Variants in NTRK3 observed in about 807,000 individuals in gnomAD.
NTRK3 encodes the protein NT-3 growth factor receptor.
NTRK3 carries 24 observed loss-of-function variants against 91.7 expected under a neutral mutation model. That is an observed-to-expected ratio of 0.26 (90% confidence interval 0.19 to 0.37). NTRK3 has a LOEUF of 0.37. NTRK3 is among the 10% of genes least tolerant of loss of function. The pLI is 1.00. For missense variants in NTRK3, 880 were observed against 1,068.9 expected, an observed-to-expected ratio of 0.82 and a Z score of 2.46; for synonymous variants, 483 against 404.0, an observed-to-expected ratio of 1.20 and a Z score of -2.34.
intron 18 of NTRK3, among the ~76,000 whole-genome samples, chr15:87,879,362 C>T (rs2065118106): frequency 1.3e-5 from 2 of 152,194 alleles, no homozygotes; most frequent in African/African-American, 4.8e-5. Flanking sequence ...AGACTGAGCT[C>T]CTTACTGCCT....
In NTRK3 at chr15:87,862,716, C is replaced by T. The variant is rs2064560030; in HGVS notation, c.*14219G>A. The T allele has an allele frequency of 2.2e-5, 5 of 229,762 alleles. No individual in the cohort carries two copies. In the East Asian group the frequency reaches 3.1e-4, roughly 14 times the overall value. 14.2% of individuals were successfully genotyped at this position (229,762 alleles called of 1,614,324 possible). A position where few individuals can be genotyped will look rare whatever the true frequency, so the allele number is the denominator to read the frequency against. ...CTGCTACCCTTGTTTTCTCAGTACA[C>T]CCTTCAGTCTGGCCTGAAGAATGCC... On this transcript the variant is annotated 3_prime_UTR_variant, in exon 19 of 19. Coordinates refer to ENST00000394480, the Ensembl canonical transcript of NTRK3.
At chr15:88,080,248 A>G (rs1188195227) in intron 13 of NTRK3, among the ~76,000 whole-genome samples, 1 of 152,212 alleles carries the variant, frequency 6.6e-6, no homozygotes, top group Non-Finnish European at 1.5e-5. Flanking sequence ...TGCTCAGTCA[A>G]AGAGAATATC....
rs58806302 is a variant in NTRK3 at position 87,890,570 on chromosome 15, TACACACACAC to T, written c.2134-10152_2134-10143del. On this transcript the variant is annotated intron_variant, in intron 17 of 18. Transcript: ENST00000394480. ...GAAAGCATTACCAATGCTTGTTCTT[TACACACACAC>T]ACACACACACACACACACACACACA... is the stretch of plus-strand genomic sequence containing the variant. Among the ~76,000 whole-genome samples the T allele has an allele frequency of 3.9e-3, 577 of 147,812 alleles. 2 individuals carry two copies. Among genetic ancestry groups the T allele is most frequent in the East Asian group, 8.5e-3 (42 of 4,952 alleles).
At chr15:88,167,709 C>T (rs946879532) in intron 5 of NTRK3, among the ~76,000 whole-genome samples, 3 of 152,124 alleles carry the variant, frequency 2.0e-5, no homozygotes, top group South Asian at 2.1e-4. Context: ...TTACTGACCA[C>T]CCCGACTCCA....
intron 17 of NTRK3, among the ~76,000 whole-genome samples, chr15:87,907,395 C>T (rs1031333632): frequency 1.3e-5 from 2 of 152,046 alleles, no homozygotes; most frequent in Non-Finnish European, 2.9e-5. Context: ...AGAAGAGAAA[C>T]CTATAAAACT....
At chr15:87,963,098 C>T (rs1227348011) in intron 14 of NTRK3, among the ~76,000 whole-genome samples, 1 of 152,108 alleles carries the variant, frequency 6.6e-6, no homozygotes, top group Admixed American at 6.5e-5. Flanking sequence ...CCACAGTCAG[C>T]TCTCTGTTAC....
At chr15:87,934,305 A>G (rs1222960097) in intron 15 of NTRK3, among the ~76,000 whole-genome samples, 1 of 152,206 alleles carries the variant, frequency 6.6e-6, no homozygotes. Context: ...CACTTTAGCA[A>G]TCTCAATAGA....
chr15:88,032,636 G>A (rs530693869), intron 14 of NTRK3, among the ~76,000 whole-genome samples: 1 of 152,258 alleles, frequency 6.6e-6, no homozygotes, highest in East Asian at 1.9e-4. Flanking sequence ...AAGGGAAGCA[G>A]ATTCAGACCC....
chr15:88,214,681 G>A (rs562552763), intron 3 of NTRK3, among the ~76,000 whole-genome samples: 19 of 57,962 alleles, frequency 3.3e-4, no homozygotes, highest in Admixed American at 1.3e-3. Flanking sequence ...AAAAAACAGA[G>A]AGAATAAGGA....
exon 2 of NTRK3, chr15:88,256,340 ACGCCGCCGCCGCCGC>A (rs542135987): frequency 3.1e-6 from 2 of 637,908 alleles, no homozygotes; most frequent in Non-Finnish European, 5.6e-6. Context: ...ACCATCGCGG[ACGCCGCCGCCGCCGC>A]CGCCGCCGCC....
At chr15:87,976,950 G>T (rs1173320669) in intron 14 of NTRK3, among the ~76,000 whole-genome samples, 1 of 150,140 alleles carries the variant, frequency 6.7e-6, no homozygotes, top group Non-Finnish European at 1.5e-5. Context: ...CCATATATCA[G>T]CTCTCAAGAG....
chr15:87,981,348 T>C, intron 14 of NTRK3: 1 of 1,613,404 alleles, frequency 6.2e-7, no homozygotes, highest in Non-Finnish European at 8.5e-7. Context: ...ATTGTCTATG[T>C]TTGAAAAGAC....
chr15:88,203,718 A>G (rs924241778), intron 3 of NTRK3, among the ~76,000 whole-genome samples: 3 of 152,212 alleles, frequency 2.0e-5, no homozygotes, highest in African/African-American at 7.2e-5. Context: ...AATAAAGAAA[A>G]GATAAATATT....
intron 17 of NTRK3, 151 bp from the exon 19 acceptor site, chr15:87,880,579 G>T: frequency 1.0e-6 from 1 of 960,508 alleles, no homozygotes; most frequent in South Asian, 1.5e-5. Flanking sequence ...GGTGTGTGAA[G>T]ATGCTGACTT....
At chr15:87,864,436 A>G (rs186184006) in exon 19 of NTRK3, 74 of 230,322 alleles carry the variant, frequency 3.2e-4, no homozygotes, top group African/African-American at 1.5e-3. Context: ...CTGTTAACAT[A>G]TCAGGTCAAA....
chr15:87,933,165 A>T (rs2141957526), exon 16 of NTRK3: 1 of 1,614,178 alleles, frequency 6.2e-7, no homozygotes, highest in Non-Finnish European at 8.5e-7. Context: ...CCGGGCAGCC[A>T]GGGTGGGATC....
chr15:88,184,105 C>CCCAG (rs1189131148), intron 4 of NTRK3, 120 bp downstream of exon 4: 106 of 960,804 alleles, frequency 1.1e-4, no homozygotes, highest in Non-Finnish European at 1.5e-4. Flanking sequence ...CAAAAGAAGA[C>CCCAG]CTGGGGGAGA....
At chr15:88,010,186 C>T (rs2076773943) in intron 14 of NTRK3, among the ~76,000 whole-genome samples, 2 of 152,152 alleles carry the variant, frequency 1.3e-5, no homozygotes, top group Admixed American at 6.5e-5. Context: ...GCTCCTAACC[C>T]AACTTGAGGG....
chr15:88,053,658 G>A (rs2045430022), intron 13 of NTRK3, among the ~76,000 whole-genome samples: 1 of 152,162 alleles, frequency 6.6e-6, no homozygotes, highest in South Asian at 2.1e-4. Context: ...ATCAATAATA[G>A]GGAAAATAAT....
Sources: allele counts gnomAD v4.1 joint callset (sites outside exome capture counted in the v4.1 genomes callset), GRCh38; gene constraint gnomAD v4.1.1; transcripts MANE v1.5; gene names NCBI Gene and HGNC (gene_info 2026-07-23, HGNC 2026-07-21).